The following CAPS2 variants were observed in gnomAD, a reference collection of about 807,000 sequenced individuals.
The protein encoded by CAPS2 is calcyphosine 2, also known as calcyphosin-2.
CAPS2 carries 98 observed loss-of-function variants against 86.5 expected under a neutral mutation model. The observed-to-expected ratio is 1.13, with a 90% CI of 0.96 to 1.34. The LOEUF (loss-of-function observed/expected upper bound fraction) is 1.34. Among genes scored for constraint, CAPS2 ranks in the 40% most tolerant of loss-of-function variants. CAPS2 has a pLI of 0.00. For missense variants in CAPS2, 729 were observed against 686.8 expected (o/e 1.06, Z -0.69); for synonymous variants, 210 against 225.1 (o/e 0.93, Z 0.60).
At chr12:75,378,935 T>G (rs922895549) in intron 1 of CAPS2, among the ~76,000 whole-genome samples, 1 of 152,200 alleles carries the variant, frequency 6.6e-6, no homozygotes, top group Non-Finnish European at 1.5e-5. Context: ...AAAATTCTCA[T>G]TCATAATTAC....
At chr12:75,325,975 A>G (rs1245074663) in intron 1 of CAPS2, among the ~76,000 whole-genome samples, 1 of 152,200 alleles carries the variant, frequency 6.6e-6, no homozygotes, top group Non-Finnish European at 1.5e-5. Flanking sequence ...CATAAAAATT[A>G]CAGCAAGCTT....
At chr12:75,334,498 G>A (rs2041568088), upstream of CAPS2, 14 of 1,324,706 alleles carry the variant, frequency 1.1e-5, no homozygotes, top group Non-Finnish European at 1.3e-5. Flanking sequence ...CTCCACCAGA[G>A]GGCGACTCAG....
intron 15 of CAPS2, among the ~76,000 whole-genome samples, chr12:75,283,813 C>CA (rs1470297894): frequency 6.6e-6 from 1 of 151,784 alleles, no homozygotes; most frequent in African/African-American, 2.4e-5. Flanking sequence ...GACTCCACCT[C>CA]AAAAAAATAA....
At chr12:75,306,083 G>T (rs1194608800) in intron 7 of CAPS2, 3 of 1,463,154 alleles carry the variant, frequency 2.1e-6, no homozygotes, top group Non-Finnish European at 2.8e-6. Flanking sequence ...GCGTCCTGGG[G>T]CTGCGGCCCT....
intron 7 of CAPS2, among the ~76,000 whole-genome samples, chr12:75,308,776 G>A (rs902747515): frequency 1.1e-4 from 16 of 151,712 alleles, no homozygotes; most frequent in East Asian, 1.9e-4. Context: ...AGCAAGAAGC[G>A]AGATAAGAAG....
chr12:75,329,771 T>C, upstream of CAPS2: 2 of 1,400,144 alleles, frequency 1.4e-6, no homozygotes, highest in East Asian at 5.3e-5. Context: ...CAAAACAGGG[T>C]AATATCTCCT....
chr12:75,323,617 C>T (rs1480516081), intron 2 of CAPS2, among the ~76,000 whole-genome samples: 1 of 152,120 alleles, frequency 6.6e-6, no homozygotes, highest in Non-Finnish European at 1.5e-5. Context: ...GTGACACATG[C>T]CTGTAATCCC....
At chr12:75,321,801 A>G (rs1275192255) in intron 4 of CAPS2, among the ~76,000 whole-genome samples, 2 of 152,160 alleles carry the variant, frequency 1.3e-5, no homozygotes, top group Admixed American at 6.5e-5. Context: ...TACCTTAAAT[A>G]CCAGTAAGCT....
At chr12:75,298,767 G>C (rs1343612302) in exon 11 of CAPS2, 2 of 1,612,996 alleles carry the variant, frequency 1.2e-6, no homozygotes, top group South Asian at 2.2e-5. Context: ...TGAATAAAAG[G>C]AAGCACATTT....
At chr12:75,277,054 T>A, downstream of CAPS2, 1 of 984,772 alleles carries the variant, frequency 1.0e-6, no homozygotes, top group Non-Finnish European at 1.2e-6. Context: ...AATGATTTAC[T>A]GTGTCACCAA....
In CAPS2 at chr12:75,312,969, T is replaced by C. The variant is rs2039390578; in HGVS notation, c.592-54A>G. Reference sequence around the variant, plus strand: ...CCATCCATAAAGCAGAACCATACAATACTTAACACAAAAGTTCTAAAACAT... The same window carrying C: ...CCATCCATAAAGCAGAACCATACAACACTTAACACAAAAGTTCTAAAACAT... On this transcript the variant is annotated intron_variant, in intron 6 of 16. Coordinates refer to ENST00000393284, the Ensembl canonical transcript of CAPS2. The C allele has an allele frequency of 3.0e-6, 3 of 1,001,600 alleles. No homozygotes were observed. The African/African-American group carries it at 4.8e-5, about 16-fold the overall frequency. The allele number at this position is 1,001,600 out of a possible 1,614,324, so 62.0% of individuals were successfully genotyped here.
chr12:75,288,620 A>G (rs1202492111), intron 14 of CAPS2, among the ~76,000 whole-genome samples: 1 of 152,228 alleles, frequency 6.6e-6, no homozygotes, highest in Non-Finnish European at 1.5e-5. Flanking sequence ...TGTGGTTCAT[A>G]TGCTTTTAGA....
upstream of CAPS2, among the ~76,000 whole-genome samples, chr12:75,326,743 C>T (rs1474196290): frequency 3.3e-5 from 5 of 152,110 alleles, no homozygotes; most frequent in Non-Finnish European, 5.9e-5. Flanking sequence ...AATCCTCAGA[C>T]CCTGTAAATA....
At chr12:75,366,823 G>A in intron 1 of CAPS2, 1 of 698,404 alleles carries the variant, frequency 1.4e-6, no homozygotes. Flanking sequence ...GGCTAAAAAT[G>A]CCAAGTGAAC....
chr12:75,276,331 A>G, downstream of CAPS2: 1 of 1,482,336 alleles, frequency 6.7e-7, no homozygotes, highest in East Asian at 2.6e-5. Flanking sequence ...CATGTTACAT[A>G]ATCTGCAGTA....
chr12:75,347,494 T>C, intron 1 of CAPS2: 2 of 431,618 alleles, frequency 4.6e-6, no homozygotes. Context: ...TTAGAAAAAA[T>C]ATGTAACTAA....
At chr12:75,295,819 A>G (rs915006842) in intron 11 of CAPS2, among the ~76,000 whole-genome samples, 1 of 152,226 alleles carries the variant, frequency 6.6e-6, no homozygotes, top group South Asian at 2.1e-4. Context: ...GGACTCTTTC[A>G]GTCTTTAATC....
intron 1 of CAPS2, among the ~76,000 whole-genome samples, chr12:75,364,510 C>A (rs1231052136): frequency 6.6e-6 from 1 of 152,186 alleles, no homozygotes; most frequent in African/African-American, 2.4e-5. Flanking sequence ...AAACTTATAG[C>A]CAATTTAAAT....
At chr12:75,349,907 C>A (rs1246198022) in intron 1 of CAPS2, among the ~76,000 whole-genome samples, 1 of 152,202 alleles carries the variant, frequency 6.6e-6, no homozygotes, top group East Asian at 1.9e-4. Context: ...AGCTGCAATA[C>A]AACTTTTAGT....
Sources: gnomAD v4.1 joint callset for allele counts (sites outside exome capture counted in the v4.1 genomes callset) on GRCh38, gnomAD v4.1.1 for gene constraint, MANE v1.5 for transcripts, NCBI Gene and HGNC (gene_info 2026-07-23, HGNC 2026-07-21) for gene names.